The following IMPG1 variants were observed in gnomAD, a reference collection of about 807,000 sequenced individuals.
IMPG1 encodes interphotoreceptor matrix proteoglycan 1.
IMPG1 carries 85 observed loss-of-function variants against 92.0 expected under a neutral mutation model. The ratio of observed to expected loss-of-function variants is 0.92; its 90% CI spans 0.78 to 1.11. The LOEUF is 1.11. Among genes scored for constraint, IMPG1 ranks in the 50% least tolerant of loss-of-function variants. The probability of loss-of-function intolerance (pLI) is 0.00; values close to 1 mark genes in which losing one functional copy is unlikely to be tolerated. For missense variants in IMPG1, 1,022 were observed against 956.0 expected (o/e 1.07, Z -0.91); for synonymous variants, 367 against 334.1 (o/e 1.10, Z -1.08).
At chr6:76,015,708 G>A (rs1783273665) in intron 7 of IMPG1, among the ~76,000 whole-genome samples, 1 of 148,258 alleles carries the variant, frequency 6.7e-6, no homozygotes, top group African/African-American at 2.5e-5. Flanking sequence ...GCTGAGGCAG[G>A]AGAATCGCTT....
At chr6:76,050,445 A>G (rs1181153620) in intron 1 of IMPG1, among the ~76,000 whole-genome samples, 8 of 152,110 alleles carry the variant, frequency 5.3e-5, no homozygotes, top group Non-Finnish European at 1.2e-4. Flanking sequence ...TCCTTCAAAA[A>G]AAAAATTAGG....
intron 12 of IMPG1, among the ~76,000 whole-genome samples, chr6:75,995,970 C>T (rs1782893773): frequency 6.6e-6 from 1 of 152,188 alleles, no homozygotes; most frequent in South Asian, 2.1e-4. Flanking sequence ...TAATAAGCAC[C>T]ACATAAATAT....
Position 76,034,323 on chromosome 6 carries a change from GAA to G in IMPG1, c.487_488del (p.Phe163ProfsTer2), listed in dbSNP as rs1783698601. ...CTATTTTGGGTACTTGCCTGTCAGG[GAA>G]ACTTCTCTGTTTTATTCTCTGCAAA... ...LLQQRIKQRS[F>X]PDRKDEISAE... is the part of the protein sequence containing the mutation. On this transcript the variant is annotated frameshift_variant, in exon 4 of 17. Transcript: ENST00000369950. LOFTEE classifies it high-confidence loss of function. The G allele has an allele frequency of 1.2e-6, 2 of 1,613,216 alleles. No individual in the cohort carries two copies. Among genetic ancestry groups the G allele is most frequent in the African/African-American group, 2.7e-5 (2 of 74,872 alleles).
Position 76,022,283 on chromosome 6 carries a change from GT to G in IMPG1, c.563-65del, listed in dbSNP as rs1783446476. ...ATGGAGGAGTTTAAATTAGAACGAG[GT>G]CAAAATTCAATATGCTTTTTCTGTC... is the stretch of plus-strand genomic sequence containing the variant. On this transcript the variant is annotated intron_variant, in intron 5 of 16. Transcript: ENST00000369950. The G allele has an allele frequency of 3.5e-6, 3 of 858,068 alleles. No individual in the cohort carries two copies. The Admixed American group carries it at 6.0e-5, about 17-fold the overall frequency. The allele number at this position is 858,068 out of a possible 1,614,324, so 53.2% of individuals were successfully genotyped here. A position where few individuals can be genotyped will look rare whatever the true frequency, so the allele number is the denominator to read the frequency against.
At chr6:76,019,146 G>A (rs1425578028) in intron 6 of IMPG1, among the ~76,000 whole-genome samples, 2 of 152,290 alleles carry the variant, frequency 1.3e-5, no homozygotes, top group Middle Eastern at 3.4e-3. Flanking sequence ...TTTGGAAGCA[G>A]GTGGCTAAGA....
chr6:75,923,268 A>T (rs1160230992), intron 16 of IMPG1, among the ~76,000 whole-genome samples: 3 of 152,042 alleles, frequency 2.0e-5, no homozygotes, highest in Non-Finnish European at 4.4e-5. Context: ...CCTTTAGCTG[A>T]TTATTATTTG....
chr6:75,948,416 G>T (rs1781965734), intron 13 of IMPG1, among the ~76,000 whole-genome samples: 1 of 152,168 alleles, frequency 6.6e-6, no homozygotes, highest in Non-Finnish European at 1.5e-5. Context: ...GCATAGAGAT[G>T]CAAGCGCCGA....
At chr6:75,939,974 TTG>T (rs1269282445) in intron 14 of IMPG1, among the ~76,000 whole-genome samples, 1 of 152,216 alleles carries the variant, frequency 6.6e-6, no homozygotes, top group African/African-American at 2.4e-5. Context: ...CTGATGACCT[TTG>T]AACTGTCCAC....
intron 8 of IMPG1, 70 bp from the exon 9 acceptor site, chr6:76,007,570 C>G: frequency 9.5e-7 from 1 of 1,051,534 alleles, no homozygotes; most frequent in Non-Finnish European, 1.4e-6. Context: ...TTGAGACATT[C>G]AATGAATTAT....
At chr6:75,945,273 G>A (rs1781905803) in intron 14 of IMPG1, among the ~76,000 whole-genome samples, 1 of 151,554 alleles carries the variant, frequency 6.6e-6, no homozygotes, top group African/African-American at 2.4e-5. Flanking sequence ...TTTGTCAAGT[G>A]CTATATTAAG....
intron 4 of IMPG1, among the ~76,000 whole-genome samples, chr6:76,031,869 C>T (rs1420654654): frequency 6.6e-6 from 1 of 152,204 alleles, no homozygotes; most frequent in Non-Finnish European, 1.5e-5. Context: ...GTTTTCTTGT[C>T]CTTTACTAAA....
chr6:75,967,997 G>C (rs1230619044), intron 12 of IMPG1, among the ~76,000 whole-genome samples: 3 of 152,188 alleles, frequency 2.0e-5, no homozygotes, highest in Admixed American at 2.0e-4. Flanking sequence ...GAATGGAGAC[G>C]CTGTGGGATA....
At chr6:76,039,155 T>C (rs1256151194) in intron 2 of IMPG1, among the ~76,000 whole-genome samples, 1 of 152,162 alleles carries the variant, frequency 6.6e-6, no homozygotes. Context: ...AAAGTACAAA[T>C]GAATTTTACC....
intron 2 of IMPG1, among the ~76,000 whole-genome samples, chr6:76,039,304 C>T (rs961764098): frequency 1.3e-5 from 2 of 151,690 alleles, no homozygotes; most frequent in Non-Finnish European, 2.9e-5. Flanking sequence ...AGGACCCTAT[C>T]CATCTTTAAC....
chr6:75,971,483 AT>A (rs1376965316), intron 12 of IMPG1, among the ~76,000 whole-genome samples: 5 of 152,088 alleles, frequency 3.3e-5, no homozygotes, highest in South Asian at 2.1e-4. Flanking sequence ...ATAAAAAAAA[AT>A]CATCTCTACT....
At chr6:76,049,439 C>T (rs1369135984) in intron 1 of IMPG1, among the ~76,000 whole-genome samples, 2 of 152,154 alleles carry the variant, frequency 1.3e-5, no homozygotes, top group Admixed American at 1.3e-4. Flanking sequence ...TGCATAGATA[C>T]CAATACCTGC....
At chr6:75,974,300 T>TTTCCC (rs1782472348) in intron 12 of IMPG1, among the ~76,000 whole-genome samples, 1 of 142,472 alleles carries the variant, frequency 7.0e-6, no homozygotes, top group Non-Finnish European at 1.5e-5. Flanking sequence ...TTTCTCTTTC[T>TTTCCC]TTTCTTTTCT....
chr6:75,972,217 T>C (rs1158394575), intron 12 of IMPG1, among the ~76,000 whole-genome samples: 1 of 152,202 alleles, frequency 6.6e-6, no homozygotes, highest in Non-Finnish European at 1.5e-5. Context: ...ATATTAGCAG[T>C]GTCCACCCAT....
intron 4 of IMPG1, among the ~76,000 whole-genome samples, chr6:76,026,217 C>T (rs938620236): frequency 1.3e-5 from 2 of 152,194 alleles, no homozygotes; most frequent in East Asian, 1.9e-4. Context: ...CCCTTCAAAC[C>T]ATCTGCAAGC....
Sources: gnomAD v4.1 joint callset for allele counts (sites outside exome capture counted in the v4.1 genomes callset) on GRCh38, gnomAD v4.1.1 for gene constraint, MANE v1.5 for transcripts, NCBI Gene and HGNC (gene_info 2026-07-23, HGNC 2026-07-21) for gene names.